Variants in PHACTR3 observed in about 807,000 individuals in gnomAD.
The protein encoded by PHACTR3 is phosphatase and actin regulator 3.
Under a neutral mutation model 66.8 loss-of-function variants are expected in PHACTR3, and 16 were observed. The observed-to-expected ratio is 0.24, with a 90% CI of 0.16 to 0.36. The LOEUF (loss-of-function observed/expected upper bound fraction) is 0.36, where lower values mean the gene tolerates loss of function less well. Among genes scored for constraint, PHACTR3 ranks in the 10% least tolerant of loss-of-function variants. PHACTR3 has a pLI of 1.00. For missense variants in PHACTR3, 647 were observed against 719.9 expected (o/e 0.90, Z 1.16); for synonymous variants, 323 against 292.1 (o/e 1.11, Z -1.08).
chr20:59,841,159 C>T (rs746671041), intron 10 of PHACTR3, among the ~76,000 whole-genome samples: 2 of 152,112 alleles, frequency 1.3e-5, no homozygotes, highest in Non-Finnish European at 2.9e-5. Flanking sequence ...CTATGTACTA[C>T]TGGGGGTGTG....
chr20:59,598,860 G>A (rs2033397029), intron 1 of PHACTR3, among the ~76,000 whole-genome samples: 1 of 152,156 alleles, frequency 6.6e-6, no homozygotes. Context: ...GACGAACCTG[G>A]CCTGTGTCAG....
chr20:59,720,061 T>C (rs6070924), intron 1 of PHACTR3, among the ~76,000 whole-genome samples: 28,583 of 152,200 alleles, frequency 0.19, 3,002 homozygotes, highest in Admixed American at 0.23. Flanking sequence ...AGGAGGCATA[T>C]GATGAGCACA....
At chr20:59,652,147 C>T (rs1273225831) in intron 1 of PHACTR3, among the ~76,000 whole-genome samples, 2 of 152,152 alleles carry the variant, frequency 1.3e-5, no homozygotes, top group African/African-American at 4.8e-5. Context: ...TGACTTCCTC[C>T]TTTATCTACC....
At chr20:59,666,050 G>A (rs553508269) in intron 1 of PHACTR3, among the ~76,000 whole-genome samples, 1 of 152,166 alleles carries the variant, frequency 6.6e-6, no homozygotes, top group Non-Finnish European at 1.5e-5. Flanking sequence ...TAGTGGTGGA[G>A]GGGGCTGTGA....
intron 1 of PHACTR3, among the ~76,000 whole-genome samples, chr20:59,652,923 T>C (rs892207592): frequency 6.6e-6 from 1 of 152,178 alleles, no homozygotes; most frequent in Non-Finnish European, 1.5e-5. Context: ...TGTGTGTGTG[T>C]ACTTAGATTG....
chr20:59,767,530 C>A, intron 5 of PHACTR3, 135 bp downstream of exon 5: 1 of 1,088,678 alleles, frequency 9.2e-7, no homozygotes, highest in Non-Finnish European at 1.3e-6. Context: ...ATACCTTCAA[C>A]CAGTCTTGAT....
chr20:59,743,077 T>C, intron 1 of PHACTR3, 30 bp from the exon 2 acceptor site: 3 of 1,602,924 alleles, frequency 1.9e-6, no homozygotes, highest in Non-Finnish European at 1.7e-6. Flanking sequence ...TGGTGGCCAC[T>C]TGAGGACCCC....
chr20:59,723,433 C>T (rs2038423837), intron 1 of PHACTR3, among the ~76,000 whole-genome samples: 1 of 152,062 alleles, frequency 6.6e-6, no homozygotes, highest in South Asian at 2.1e-4. Flanking sequence ...ACCTGCATTG[C>T]GGCATTGCCA....
At chr20:59,644,503 G>A (rs1243954159) in intron 1 of PHACTR3, among the ~76,000 whole-genome samples, 8 of 152,224 alleles carry the variant, frequency 5.3e-5, no homozygotes, top group Non-Finnish European at 1.2e-4. Context: ...GGCGGGAGCT[G>A]AGTTTGTTTT....
chr20:59,751,759 G>A (rs948320916), intron 3 of PHACTR3, among the ~76,000 whole-genome samples: 22 of 152,076 alleles, frequency 1.4e-4, no homozygotes, highest in Non-Finnish European at 3.2e-4. Context: ...TACATGACTA[G>A]ATGTGTGCAG....
At chr20:59,637,712 A>G (rs79456102) in intron 1 of PHACTR3, among the ~76,000 whole-genome samples, 4 of 138,500 alleles carry the variant, frequency 2.9e-5, no homozygotes, top group African/African-American at 5.4e-5. Context: ...AAAAAAAAAA[A>G]CCAACAAACA....
chr20:59,802,660 C>T lies in PHACTR3; in HGVS notation c.1175-3381C>T, dbSNP rs112746736. Reference sequence around the variant, plus strand: ...CTGCTTGGTGAGGTGGAGCTGAGAGCGGTGCCACTTAGCAGCTATCTGTGC... The same window carrying T: ...CTGCTTGGTGAGGTGGAGCTGAGAGTGGTGCCACTTAGCAGCTATCTGTGC... On this transcript the variant is annotated intron_variant, in intron 7 of 12. Transcript: ENST00000371015. Among the ~76,000 whole-genome samples the T allele has an allele frequency of 2.4e-3, 364 of 152,186 alleles. 4 individuals carry two copies. Among genetic ancestry groups the T allele is most frequent in the African/African-American group, 8.0e-3 (334 of 41,536 alleles).
At chr20:59,630,198 T>A (rs6070877) in intron 1 of PHACTR3, among the ~76,000 whole-genome samples, 106,029 of 151,868 alleles carry the variant, frequency 0.7, 37,354 homozygotes, top group East Asian at 0.89. Flanking sequence ...TTTTCTTTTT[T>A]TTGAGATGGA....
At position 59,645,260 on chromosome 20, in the gene PHACTR3, C is replaced by T. The variant is rs904807991; in HGVS notation, c.118+40128C>T. ...TTTTTTTTACCCACTCTCTGATTCT[C>T]CATGCATCATGAGTCCCCCAAAGGC... On this transcript the variant is annotated intron_variant, in intron 1 of 12. Transcript: ENST00000371015. Among the ~76,000 whole-genome samples, 77 of 146,644 alleles carry T rather than the reference C, an allele frequency of 5.3e-4. 1 individual carries two copies. Among genetic ancestry groups the T allele is most frequent in the African/African-American group, 1.8e-3 (72 of 39,520 alleles).
intron 1 of PHACTR3, among the ~76,000 whole-genome samples, chr20:59,596,811 C>T (rs2033337259): frequency 6.6e-6 from 1 of 152,236 alleles, no homozygotes; most frequent in Non-Finnish European, 1.5e-5. Flanking sequence ...TGGTGCATAG[C>T]AGGTACTCAA....
chr20:59,603,683 G>C (rs540645458), upstream of PHACTR3: 2 of 152,302 alleles, frequency 1.3e-5, no homozygotes, highest in South Asian at 4.2e-4. Context: ...GCCCCATGGG[G>C]TTGAGAAATT....
At chr20:59,831,915 G>A (rs1277544572) in intron 8 of PHACTR3, among the ~76,000 whole-genome samples, 1 of 152,164 alleles carries the variant, frequency 6.6e-6, no homozygotes, top group Admixed American at 6.5e-5. Flanking sequence ...CCTTTTCCTG[G>A]CCATGGTTCT....
intron 1 of PHACTR3, among the ~76,000 whole-genome samples, chr20:59,686,306 A>G (rs2036857554): frequency 6.6e-6 from 1 of 152,216 alleles, no homozygotes; most frequent in Non-Finnish European, 1.5e-5. Flanking sequence ...TCCTTGGCCA[A>G]CTTCATTTTA....
At chr20:59,678,234 C>T (rs6100549) in intron 1 of PHACTR3, among the ~76,000 whole-genome samples, 46,903 of 152,006 alleles carry the variant, frequency 0.31, 8,223 homozygotes, top group African/African-American at 0.47. Flanking sequence ...ACCTTCAGCC[C>T]GTGGCTTACA....
Sources: gnomAD v4.1 joint callset for allele counts (sites outside exome capture counted in the v4.1 genomes callset) on GRCh38, gnomAD v4.1.1 for gene constraint, MANE v1.5 for transcripts, NCBI Gene and HGNC (gene_info 2026-07-23, HGNC 2026-07-21) for gene names.